Variants in TRAF3IP2 observed in about 807,000 individuals in gnomAD.
TRAF3IP2 encodes TRAF3 interacting protein 2.
Under a neutral mutation model 57.9 loss-of-function variants are expected in TRAF3IP2, and 35 were observed. The observed-to-expected ratio is 0.60, with a 90% confidence interval of 0.46 to 0.80. The LOEUF is 0.80. Among genes scored for constraint, TRAF3IP2 ranks in the 30% least tolerant of loss-of-function variants. TRAF3IP2 has a pLI of 0.00. For synonymous variants in TRAF3IP2, 251 were observed against 268.9 expected (o/e 0.93, Z 0.65); for missense variants, 556 against 706.4 (o/e 0.79, Z 2.41).
At chr6:111,586,537 T>C (rs973767630) in intron 2 of TRAF3IP2, among the ~76,000 whole-genome samples, 2 of 145,682 alleles carry the variant, frequency 1.4e-5, no homozygotes, top group Admixed American at 1.4e-4. Flanking sequence ...CTTTGAAAAC[T>C]TTTTTTTTTT....
intron 6 of TRAF3IP2, chr6:111,566,884 C>T (rs1795658593): frequency 2.6e-6 from 1 of 383,460 alleles, no homozygotes. Context: ...GGCACTGCAA[C>T]ACCAACAGTA....
chr6:111,581,595 T>A (rs4947127), intron 2 of TRAF3IP2, among the ~76,000 whole-genome samples: 1 of 151,976 alleles, frequency 6.6e-6, no homozygotes, highest in Non-Finnish European at 1.5e-5. Flanking sequence ...GATACATATA[T>A]GGATGTACAG....
In TRAF3IP2 at chr6:111,559,344, A is replaced by G. The variant is rs1219324478; in HGVS notation, c.*61T>C. The G allele has an allele frequency of 1.3e-6, 2 of 1,575,814 alleles. No individual in the cohort carries two copies. Among genetic ancestry groups the G allele is most frequent in the Non-Finnish European group, 1.7e-6 (2 of 1,162,804 alleles). On this transcript the variant is annotated 3_prime_UTR_variant, in exon 9 of 9. Transcript: ENST00000368761. Reference sequence around the variant, plus strand: ...AGTGCTACCGACCAGCCTCAGCCAGAATGCTGTCAGAACAAGGCCCCAAAC... The same window carrying G: ...AGTGCTACCGACCAGCCTCAGCCAGGATGCTGTCAGAACAAGGCCCCAAAC...
intron 2 of TRAF3IP2, among the ~76,000 whole-genome samples, chr6:111,586,803 C>T (rs1796350827): frequency 6.6e-6 from 1 of 152,230 alleles, no homozygotes; most frequent in East Asian, 1.9e-4. Flanking sequence ...CATTTGTACA[C>T]CTGCCATGAA....
Position 111,595,760 on chromosome 6 carries a change from G to A in TRAF3IP2, c.-8-3666C>T, listed in dbSNP as rs565296673. Among the ~76,000 whole-genome samples the A allele has an allele frequency of 9.9e-5, 15 of 151,914 alleles. 1 individual carries two copies. Among genetic ancestry groups the A allele is most frequent in the African/African-American group, 1.7e-4 (7 of 41,428 alleles). On this transcript the variant is annotated intron_variant, in intron 1 of 8. Transcript: ENST00000368761. ...GGAGAATTGCTTGAACCCGGGAGGC[G>A]GAGGTTGCGGTGAGCCGAGATCGTG...
chr6:111,569,671 G>T (rs1203108120), intron 5 of TRAF3IP2, among the ~76,000 whole-genome samples: 3 of 152,182 alleles, frequency 2.0e-5, no homozygotes, highest in African/African-American at 7.2e-5. Flanking sequence ...CAGGAAAATT[G>T]CTTGAGCCTG....
chr6:111,593,245 C>A (rs1245185871), intron 1 of TRAF3IP2, among the ~76,000 whole-genome samples: 2 of 152,196 alleles, frequency 1.3e-5, no homozygotes, highest in African/African-American at 4.8e-5. Context: ...CTTCAAATAC[C>A]AGAGAGAGAA....
chr6:111,597,646 A>G (rs2128385096), intron 1 of TRAF3IP2, among the ~76,000 whole-genome samples: 1 of 152,294 alleles, frequency 6.6e-6, no homozygotes, highest in South Asian at 2.1e-4. Context: ...TCACCATTGT[A>G]TTTTTAAAAT....
At chr6:111,570,247 C>T (rs533884031) in intron 5 of TRAF3IP2, among the ~76,000 whole-genome samples, 4 of 152,298 alleles carry the variant, frequency 2.6e-5, no homozygotes, top group African/African-American at 4.8e-5. Context: ...TAAATTTCTA[C>T]GCTTAAGCCA....
chr6:111,590,386 C>T (rs1376086474), intron 2 of TRAF3IP2, among the ~76,000 whole-genome samples: 1 of 152,086 alleles, frequency 6.6e-6, no homozygotes, highest in Non-Finnish European at 1.5e-5. Flanking sequence ...TGAAGGAGAA[C>T]GTGATCTGGG....
chr6:111,563,458 A>C (rs1045146360), intron 7 of TRAF3IP2, among the ~76,000 whole-genome samples: 1 of 152,236 alleles, frequency 6.6e-6, no homozygotes, highest in Non-Finnish European at 1.5e-5. Flanking sequence ...GCTTAGCAGA[A>C]CACCACAGAT....
At chr6:111,575,566 C>A (rs1374851543) in intron 4 of TRAF3IP2, 77 bp downstream of exon 4, 1 of 1,486,490 alleles carries the variant, frequency 6.7e-7, no homozygotes. Flanking sequence ...CCAGCCTGGG[C>A]AACAGAGCGA....
At chr6:111,564,359 A>G (rs1795553645) in intron 7 of TRAF3IP2, among the ~76,000 whole-genome samples, 1 of 152,216 alleles carries the variant, frequency 6.6e-6, no homozygotes, top group African/African-American at 2.4e-5. Context: ...TGCATAAGTT[A>G]CAAGTGAAGC....
chr6:111,561,371 C>A (rs1457366889), intron 8 of TRAF3IP2, among the ~76,000 whole-genome samples: 1 of 150,324 alleles, frequency 6.7e-6, no homozygotes, highest in East Asian at 2.0e-4. Context: ...ACCCTGGAGG[C>A]AGAGGTTGCA....
intron 5 of TRAF3IP2, among the ~76,000 whole-genome samples, chr6:111,571,230 C>T (rs768246741): frequency 7.9e-5 from 12 of 152,104 alleles, no homozygotes; most frequent in Non-Finnish European, 1.3e-4. Flanking sequence ...AATGTGCCAC[C>T]ACACTCGGCT....
At chr6:111,585,241 G>A (rs550598821) in intron 2 of TRAF3IP2, among the ~76,000 whole-genome samples, 7 of 152,014 alleles carry the variant, frequency 4.6e-5, no homozygotes, top group African/African-American at 1.7e-4. Context: ...AAACAAGGAC[G>A]GTGTATAACT....
chr6:111,600,890 A>G, intron 1 of TRAF3IP2: 1 of 247,986 alleles, frequency 4.0e-6, no homozygotes, highest in Non-Finnish European at 7.8e-6. Flanking sequence ...CAAGTGTGAT[A>G]GATATATTAA....
chr6:111,603,900 T>C (rs1412662897), intron 1 of TRAF3IP2, among the ~76,000 whole-genome samples: 1 of 152,224 alleles, frequency 6.6e-6, no homozygotes, highest in Non-Finnish European at 1.5e-5. Flanking sequence ...GAGTGACTGG[T>C]AGCTGCAGCA....
intron 1 of TRAF3IP2, 147 bp from the exon 2 acceptor site, chr6:111,592,241 A>G: frequency 1.4e-6 from 1 of 717,620 alleles, no homozygotes; most frequent in South Asian, 1.9e-5. Context: ...ATCACATAAA[A>G]TTGTTTACTT....
Sources: allele counts gnomAD v4.1 joint callset (sites outside exome capture counted in the v4.1 genomes callset), GRCh38; gene constraint gnomAD v4.1.1; transcripts MANE v1.5; gene names NCBI Gene and HGNC (gene_info 2026-07-23, HGNC 2026-07-21).